Variants in TRMT112 observed in about 807,000 individuals in gnomAD.
TRMT112 encodes multifunctional methyltransferase subunit TRM112-like protein.
In TRMT112, 9 loss-of-function variants were observed where a neutral mutation model predicts 13.8. The ratio of observed to expected loss-of-function variants is 0.65; its 90% CI spans 0.39 to 1.14. The LOEUF is 1.14. Ranked by LOEUF, TRMT112 falls within the 50% of genes most tolerant of loss-of-function variation. The probability of loss-of-function intolerance (pLI) is 0.01; values close to 1 mark genes in which losing one functional copy is unlikely to be tolerated. For missense variants in TRMT112, 196 were observed against 165.5 expected (o/e 1.18, Z -1.01); for synonymous variants, 64 against 67.0 (o/e 0.96, Z 0.22).
At chr11:64,317,745 G>A (rs546791547), upstream of TRMT112, 85 of 748,942 alleles carry the variant, frequency 1.1e-4, no homozygotes, top group African/African-American at 7.1e-4. Flanking sequence ...AGGTTCCTAC[G>A]GCGCACGCCC....
At chr11:64,317,953 C>G, upstream of TRMT112, 2 of 1,386,460 alleles carry the variant, frequency 1.4e-6, no homozygotes, top group Non-Finnish European at 9.3e-7. Context: ...GGAAGCCGAG[C>G]CGCACCTCAT....
chr11:64,317,503 C>T lies in TRMT112; in HGVS notation c.24G>A (p.Leu8=). 1 of 1,598,254 alleles carries T rather than the reference C, an allele frequency of 6.3e-7. No homozygotes were observed. Among genetic ancestry groups the T allele is most frequent in the Non-Finnish European group, 8.5e-7 (1 of 1,170,432 alleles). ...CCACCCCCCGCACATGCGAGCTCAG[C>T]AGATTGTGGGTAAGCAGTTTCATGT... MKLLTHN[L]LSSHVRGVGS... The change falls in exon 1 of 4, where the codon CTG becomes CTA. Residue 8 remains leucine (L), a synonymous_variant. Coordinates refer to ENST00000544844, the MANE Select transcript of TRMT112 (RefSeq NM_016404.3).
At chr11:64,318,441 C>G (rs1038272111), upstream of TRMT112, 2 of 1,545,748 alleles carry the variant, frequency 1.3e-6, no homozygotes, top group African/African-American at 1.4e-5. Context: ...TGGCAATCCC[C>G]GTCCCGCTAG....
Position 64,317,523 on chromosome 11 carries a change from T to C in TRMT112, c.4A>G (p.Lys2Glu). Reference protein sequence around the residue: MKLLTHNLLSSH... With the variant: MELLTHNLLSSH... ...CTCAGCAGATTGTGGGTAAGCAGTT[T>C]CATGTCGCCGCACAAACTCTCGCCA... The change falls in exon 1 of 4, where the codon AAA (lysine) becomes GAA (glutamate). Residue 2 changes from lysine (K) to glutamate (E), a missense_variant. Coordinates refer to ENST00000544844, the MANE Select transcript of TRMT112 (RefSeq NM_016404.3). 2 of 1,570,208 alleles carry C rather than the reference T, an allele frequency of 1.3e-6. No individual in the cohort carries two copies. Among genetic ancestry groups the C allele is most frequent in the African/African-American group, 1.3e-5 (1 of 74,152 alleles).
In TRMT112 at chr11:64,317,311, T is replaced by G; in HGVS notation, c.133A>C (p.Met45Leu). The change falls in exon 2 of 4, where the codon ATG becomes CTG. Residue 45 changes from methionine (M) to leucine (L), a missense_variant. Met to Leu is a conservative substitution (Grantham distance 15). Coordinates refer to ENST00000544844, the MANE Select transcript of TRMT112 (RefSeq NM_016404.3). ...VEFNPNFVAR[M>L]IPKVEWSAFL... ...GCCGACCACTCCACTTTAGGTATCA[T>G]ACGCGCCACGAAGTTGGGGTTGAAT... 4 of 1,614,058 alleles carry G rather than the reference T, an allele frequency of 2.5e-6. No homozygotes were observed. Among genetic ancestry groups the G allele is most frequent in the Non-Finnish European group, 3.4e-6 (4 of 1,179,970 alleles).
In TRMT112 at chr11:64,317,438, C is replaced by T; in HGVS notation, c.78+11G>A. Reference sequence around the variant, plus strand: ...CCCGCCCGAAAAGGGAAGACTGCCGCCGGCGGGTACCTGGAGGCGCAGGGG... The same window carrying T: ...CCCGCCCGAAAAGGGAAGACTGCCGTCGGCGGGTACCTGGAGGCGCAGGGG... On this transcript the variant is annotated intron_variant, in intron 1 of 3. Coordinates refer to ENST00000544844, the MANE Select transcript of TRMT112 (RefSeq NM_016404.3). The T allele has an allele frequency of 6.2e-7, 1 of 1,612,486 alleles. No homozygotes were observed. Among genetic ancestry groups the T allele is most frequent in the Non-Finnish European group, 8.5e-7 (1 of 1,179,254 alleles).
In TRMT112 at chr11:64,317,105, CAT is replaced by C. The variant is rs1481135577; in HGVS notation, c.221_222del (p.Tyr74Ter). 3 of 1,614,200 alleles carry C rather than the reference CAT, an allele frequency of 1.9e-6. No homozygotes were observed. Among genetic ancestry groups the C allele is most frequent in the East Asian group, 2.2e-5 (1 of 44,880 alleles). ...IQVPKGPVEG[Y>X]EENEEFLRTM... The stretch of plus-strand genomic sequence containing the variant: ...GTCCTCAGAAACTCCTCATTCTCCT[CAT>C]ATCCCTCAACCGGCCCTTTCGGCAC... On this transcript the variant is annotated frameshift_variant, in exon 3 of 4. Coordinates refer to ENST00000544844, the MANE Select transcript of TRMT112 (RefSeq NM_016404.3). LOFTEE classifies it high-confidence loss of function.
rs760170082 is a variant in TRMT112, at chr11:64,316,857, A to G, written c.*4T>C. The G allele has an allele frequency of 6.4e-7, 1 of 1,561,296 alleles. No homozygotes were observed. The highest frequency in any genetic ancestry group is 8.8e-7 in the Non-Finnish European group (1 of 1,133,658). On this transcript the variant is annotated 3_prime_UTR_variant, in exon 4 of 4. Transcript: ENST00000544844. ...ATAACAAGAAAAACTGGCGCCTGGCACAATCAACTCTCAGTTTCCTCTTCA... is the reference window on the plus strand; with the variant it reads ...ATAACAAGAAAAACTGGCGCCTGGCGCAATCAACTCTCAGTTTCCTCTTCA...
upstream of TRMT112, chr11:64,317,660 G>C (rs1037936318): frequency 8.9e-6 from 9 of 1,015,552 alleles, no homozygotes; most frequent in Non-Finnish European, 1.3e-5. Context: ...GGAACTTCTC[G>C]TGTTTGTGGG....
upstream of TRMT112, chr11:64,318,371 C>T (rs781426413): frequency 2.9e-5 from 46 of 1,608,728 alleles, no homozygotes; most frequent in East Asian, 1.0e-3. Context: ...CCGCTGCAGC[C>T]ATGGCCCCAA....
In TRMT112 at chr11:64,317,315, CG is replaced by C. The variant is rs759517900; in HGVS notation, c.128del (p.Ala43GlyfsTer3). On this transcript the variant is annotated frameshift_variant, in exon 2 of 4. Transcript: ENST00000544844. LOFTEE classifies it high-confidence loss of function. ...ACCACTCCACTTTAGGTATCATACGCGCCACGAAGTTGGGGTTGAATTCCAC... is the reference window on the plus strand; with the variant it reads ...ACCACTCCACTTTAGGTATCATACGCCCACGAAGTTGGGGTTGAATTCCAC... ...CPVEFNPNFVARMIPKVEWSA... is the reference protein window; with the variant it reads ...CPVEFNPNFVXRMIPKVEWSA... 3.1e-6 allele frequency: 5 copies of C among 1,614,134 alleles called. No homozygotes were observed. Among genetic ancestry groups the C allele is most frequent in the Non-Finnish European group, 4.2e-6 (5 of 1,179,988 alleles).
In TRMT112 at chr11:64,316,840, A is replaced by G. The variant is rs893308432; in HGVS notation, c.*21T>C. 9 of 1,509,776 alleles carry G rather than the reference A, an allele frequency of 6.0e-6. No homozygotes were observed. Among genetic ancestry groups the G allele is most frequent in the Non-Finnish European group, 7.4e-6 (8 of 1,086,718 alleles). 93.5% of individuals were successfully genotyped at this position (1,509,776 alleles called of 1,614,324 possible). On this transcript the variant is annotated 3_prime_UTR_variant, in exon 4 of 4. Transcript: ENST00000544844. ...AACAAAAATACACAGTCATAACAAGAAAAACTGGCGCCTGGCACAATCAAC... is the reference window on the plus strand; with the variant it reads ...AACAAAAATACACAGTCATAACAAGGAAAACTGGCGCCTGGCACAATCAAC...
rs2135269602 is a variant in TRMT112 at position 64,317,473 on chromosome 11, G to T, written c.54C>A (p.Ser18=). The T allele has an allele frequency of 6.2e-7, 1 of 1,609,106 alleles. No homozygotes were observed. The highest frequency in any genetic ancestry group is 2.2e-5 in the East Asian group (1 of 44,698). Residue 18 remains serine, a synonymous_variant, in exon 1 of 4, where the codon TCC becomes TCA. Coordinates refer to ENST00000544844, the MANE Select transcript of TRMT112 (RefSeq NM_016404.3). ...LLSSHVRGVG[S]RGFPLRLQAT... ...CCTGGAGGCGCAGGGGGAAGCCACG[G>T]GACCCCACCCCCCGCACATGCGAGC...
upstream of TRMT112, chr11:64,318,117 C>A: frequency 6.5e-7 from 1 of 1,531,126 alleles, no homozygotes; most frequent in South Asian, 1.2e-5. Context: ...CGGCCCAGGC[C>A]CGCCTTCCGC....
upstream of TRMT112, chr11:64,317,574 T>A (rs1276365454): frequency 2.0e-6 from 3 of 1,482,746 alleles, no homozygotes; most frequent in Non-Finnish European, 2.7e-6. Context: ...AAGGTCGTCC[T>A]CCGCTGCCTC....
Position 64,317,062 on chromosome 11 carries a change from A to G in TRMT112, c.266T>C (p.Leu89Pro). 6.2e-7 allele frequency: 1 copy of G among 1,614,150 alleles called. No individual in the cohort carries two copies. The highest frequency in any genetic ancestry group is 8.5e-7 in the Non-Finnish European group (1 of 1,179,994). Residue 89 changes from leucine (L) to proline (P), a missense_variant, in exon 3 of 4, where the codon CTG becomes CCG. Transcript: ENST00000544844. The part of the protein sequence containing the change: ...EFLRTMHHLL[L>P]EVEVIEGTLQ... ...AAGTGATGGGCCGCTTCTCACCTCCAGCAGCAGGTGGTGCATGGTCCTCAG... is the reference window on the plus strand; with the variant it reads ...AAGTGATGGGCCGCTTCTCACCTCCGGCAGCAGGTGGTGCATGGTCCTCAG...
Position 64,316,714 on chromosome 11 carries a change from G to A in TRMT112, c.*147C>T. On this transcript the variant is annotated 3_prime_UTR_variant, in exon 4 of 4. Transcript: ENST00000544844. ...GCTTTTGGTTTTAAACCTTTAATGA[G>A]AAAAAAATATATAATACCGAGCTCA... The A allele has an allele frequency of 3.2e-6, 2 of 631,766 alleles. No individual in the cohort carries two copies. Among genetic ancestry groups the A allele is most frequent in the Non-Finnish European group, 5.7e-6 (2 of 350,746 alleles). The allele number at this position is 631,766 out of a possible 1,614,324, so 39.1% of individuals were successfully genotyped here.
At chr11:64,318,478 C>A (rs1213841877), upstream of TRMT112, 1 of 1,459,626 alleles carries the variant, frequency 6.9e-7, no homozygotes, top group East Asian at 2.5e-5. Flanking sequence ...TATTTCCTGC[C>A]TGCCAGACCC....
chr11:64,318,382 T>C (rs963835814), upstream of TRMT112: 1 of 1,606,292 alleles, frequency 6.2e-7, no homozygotes, highest in Non-Finnish European at 8.5e-7. Flanking sequence ...ATGGCCCCAA[T>C]CAAGGTGACC....
Sources: gnomAD v4.1 joint callset for allele counts on GRCh38, gnomAD v4.1.1 for gene constraint, MANE v1.5 for transcripts, NCBI Gene and HGNC (gene_info 2026-07-23, HGNC 2026-07-21) for gene names.